The following PAK3 variants were observed in gnomAD, a reference collection of about 807,000 sequenced individuals.
The protein encoded by PAK3 is p21 (RAC1) activated kinase 3.
A neutral mutation model predicts 41.0 loss-of-function variants in PAK3; 4 were observed. The observed-to-expected ratio is 0.10, with a 90% CI of 0.05 to 0.22. The LOEUF (loss-of-function observed/expected upper bound fraction) is 0.22, where lower values mean the gene tolerates loss of function less well. PAK3 is among the 10% of genes least tolerant of loss of function. The probability of loss-of-function intolerance (pLI) is 1.00; values close to 1 mark genes in which losing one functional copy is unlikely to be tolerated. For synonymous variants in PAK3, 146 were observed against 139.6 expected (o/e 1.05, Z -0.32); for missense variants, 205 against 409.9 (o/e 0.50, Z 4.32).
intron 4 of PAK3, among the ~76,000 whole-genome samples, chrX:111,112,842 G>A (rs1030897702): frequency 3.7e-4 from 41 of 111,046 alleles, no homozygotes; most frequent in African/African-American, 1.1e-3. Context: ...ATGTAACATC[G>A]AAGGTAAGTT....
intron 5 of PAK3, among the ~76,000 whole-genome samples, chrX:111,133,467 G>T (rs1209810937): frequency 8.9e-6 from 1 of 112,092 alleles, no homozygotes; most frequent in Non-Finnish European, 1.9e-5. Context: ...GGTAGTTTCT[G>T]TTGCTATTTC....
At chrX:111,147,987 T>A in intron 7 of PAK3, 97 bp downstream of exon 7, 6 of 706,387 alleles carry the variant, frequency 8.5e-6, no homozygotes, top group Admixed American at 2.6e-5. Context: ...TGAAATCGAT[T>A]CTAGTACCTT....
chrX:110,950,480 A>C (rs964919001), intron 1 of PAK3, among the ~76,000 whole-genome samples: 3 of 111,465 alleles, frequency 2.7e-5, no homozygotes, highest in Non-Finnish European at 5.6e-5. Context: ...ACATAGGTAT[A>C]CATGTGCCAT....
At chrX:111,161,382 G>A (rs746003168) in intron 8 of PAK3, among the ~76,000 whole-genome samples, 1 of 110,907 alleles carries the variant, frequency 9.0e-6, no homozygotes, top group East Asian at 2.8e-4. Flanking sequence ...TGTCAGATGA[G>A]TAGGTTGCAA....
intron 1 of PAK3, among the ~76,000 whole-genome samples, chrX:111,023,344 A>G (rs1245906267): frequency 3.6e-5 from 4 of 112,051 alleles, no homozygotes; most frequent in South Asian, 3.8e-4. Flanking sequence ...CAGTGCTGCA[A>G]TAAACATACA....
chrX:111,214,830 A>G (rs1288254977), intron 16 of PAK3, among the ~76,000 whole-genome samples: 1 of 111,801 alleles, frequency 8.9e-6, no homozygotes, highest in Non-Finnish European at 1.9e-5. Context: ...AAGCTAGAGT[A>G]GAGAAAGGGG....
intron 1 of PAK3, among the ~76,000 whole-genome samples, chrX:111,072,745 T>C (rs1447957256): frequency 8.9e-6 from 1 of 112,163 alleles, no homozygotes; most frequent in Admixed American, 9.4e-5. Context: ...TGATAAGATA[T>C]GATGGTGTTT....
At chrX:110,997,349 A>G (rs1426351776) in intron 1 of PAK3, among the ~76,000 whole-genome samples, 1 of 111,661 alleles carries the variant, frequency 9.0e-6, no homozygotes, top group African/African-American at 3.3e-5. Flanking sequence ...AATACACTGA[A>G]GAGGGAAAAG....
chrX:111,215,909 T>C (rs1048607882), intron 16 of PAK3, among the ~76,000 whole-genome samples: 3 of 112,106 alleles, frequency 2.7e-5, no homozygotes, highest in South Asian at 3.8e-4. Context: ...CATCTTCTGG[T>C]TCATTGTACT....
chrX:111,207,483 A>G (rs1021871675), intron 16 of PAK3, among the ~76,000 whole-genome samples: 5 of 111,791 alleles, frequency 4.5e-5, no homozygotes, highest in African/African-American at 1.6e-4. Context: ...CCATAAGATT[A>G]TAATGGAGCT....
chrX:111,209,095 A>T (rs1428843872), intron 16 of PAK3, among the ~76,000 whole-genome samples: 1 of 111,331 alleles, frequency 9.0e-6, no homozygotes, highest in African/African-American at 3.3e-5. Flanking sequence ...GTACAGGCAG[A>T]GGTGGATCAA....
chrX:111,056,609 T>C (rs1360795796), intron 1 of PAK3, among the ~76,000 whole-genome samples: 1 of 112,228 alleles, frequency 8.9e-6, no homozygotes, highest in Non-Finnish European at 1.9e-5. Context: ...TTTAAATATA[T>C]GCTATGCAGT....
chrX:111,034,244 G>T (rs751161396), intron 1 of PAK3, among the ~76,000 whole-genome samples: 1 of 110,853 alleles, frequency 9.0e-6, no homozygotes, highest in Non-Finnish European at 1.9e-5. Flanking sequence ...GAGGGGTTGG[G>T]GGTCGGGGAA....
intron 1 of PAK3, among the ~76,000 whole-genome samples, chrX:110,950,215 C>T (rs1453121368): frequency 8.9e-6 from 1 of 111,859 alleles, no homozygotes; most frequent in Non-Finnish European, 1.9e-5. Flanking sequence ...TTCCTTGTCT[C>T]TCCAACACTG....
intron 10 of PAK3, among the ~76,000 whole-genome samples, chrX:111,167,816 A>T (rs1437712588): frequency 9.0e-6 from 1 of 111,074 alleles, no homozygotes; most frequent in African/African-American, 3.3e-5. Context: ...TGGCACCTGT[A>T]TATCTGTGTA....
intron 5 of PAK3, among the ~76,000 whole-genome samples, chrX:111,134,495 C>A (rs377665638): frequency 7.2e-5 from 8 of 111,644 alleles, no homozygotes; most frequent in African/African-American, 2.6e-4. Flanking sequence ...TGTTCATTTG[C>A]TTTTTCATTA....
chrX:111,007,906 G>T lies in PAK3; in HGVS notation c.-28+63278G>T, dbSNP rs1324011190. 2.7e-5 allele frequency among the ~76,000 whole-genome samples: 3 copies of T among 111,777 alleles called. No individual in the cohort carries two copies. In the Admixed American group the frequency reaches 2.8e-4, roughly 11 times the overall value. ...ACAAATGAGAAAGGCCCTGGAGTTG[G>T]TCAGCCCTGAGTTTGTATCCTCGCT... On this transcript the variant is annotated intron_variant, in intron 1 of 14. Transcript: ENST00000425146.
At chrX:111,036,768 A>G (rs2092403489) in intron 1 of PAK3, among the ~76,000 whole-genome samples, 1 of 111,579 alleles carries the variant, frequency 9.0e-6, no homozygotes, top group African/African-American at 3.3e-5. Context: ...TAGTCCCCCG[A>G]TTAAAAAACC....
chrX:111,084,191 C>T (rs1028030038), intron 1 of PAK3, among the ~76,000 whole-genome samples: 1 of 112,151 alleles, frequency 8.9e-6, no homozygotes, highest in Non-Finnish European at 1.9e-5. Context: ...CACAGGGGGC[C>T]ATACAATGTT....
Sources: allele counts gnomAD v4.1 joint callset (sites outside exome capture counted in the v4.1 genomes callset), GRCh38; gene constraint gnomAD v4.1.1; transcripts MANE v1.5; gene names NCBI Gene and HGNC (gene_info 2026-07-23, HGNC 2026-07-21).